FAM135A: variants seen among roughly 807,000 people sequenced by gnomAD.
FAM135A encodes the protein family with sequence similarity 135 member A.
In FAM135A, 79 loss-of-function variants were observed where a neutral mutation model predicts 146.8. The observed-to-expected ratio is 0.54, with a 90% CI of 0.45 to 0.65. The LOEUF is 0.65. FAM135A is among the 30% of genes least tolerant of loss of function. The pLI, the probability that FAM135A is intolerant of heterozygous loss-of-function variation, is 0.00. For synonymous variants in FAM135A, 562 were observed against 603.6 expected, an observed-to-expected ratio of 0.93 and a Z score of 1.01; for missense variants, 1,623 against 1,758.2, an observed-to-expected ratio of 0.92 and a Z score of 1.38.
chr6:70,519,041 C>CT (rs1159937076), intron 12 of FAM135A, among the ~76,000 whole-genome samples: 9 of 152,128 alleles, frequency 5.9e-5, no homozygotes, highest in Non-Finnish European at 1.2e-4. Flanking sequence ...AAAAGGAAAA[C>CT]TTTTGGGAAA....
At chr6:70,516,174 T>C (rs1263396602) in intron 12 of FAM135A, among the ~76,000 whole-genome samples, 1 of 152,200 alleles carries the variant, frequency 6.6e-6, no homozygotes, top group Non-Finnish European at 1.5e-5. Context: ...AATAGAAGTT[T>C]TCAGCCCCGG....
chr6:70,533,953 G>A (rs1796305816), intron 18 of FAM135A, 99 bp downstream of exon 18: 3 of 502,910 alleles, frequency 6.0e-6, no homozygotes, highest in Non-Finnish European at 9.7e-6. Context: ...CTGAAATATA[G>A]GAGACTACAA....
chr6:70,469,135 C>A (rs986536093), intron 5 of FAM135A, among the ~76,000 whole-genome samples: 2 of 152,148 alleles, frequency 1.3e-5, no homozygotes, highest in East Asian at 3.8e-4. Flanking sequence ...CTCTATCACA[C>A]CACTCCGTTA....
intron 5 of FAM135A, among the ~76,000 whole-genome samples, chr6:70,461,922 GA>G (rs1160419061): frequency 1.3e-5 from 2 of 152,094 alleles, no homozygotes; most frequent in Non-Finnish European, 2.9e-5. Flanking sequence ...AATTAAGTTA[GA>G]AAATTGTGTA....
intron 16 of FAM135A, among the ~76,000 whole-genome samples, chr6:70,532,120 C>T (rs1275311612): frequency 6.6e-6 from 1 of 151,946 alleles, no homozygotes; most frequent in Non-Finnish European, 1.5e-5. Flanking sequence ...TCGTGATCCA[C>T]CCGCCACAGC....
At chr6:70,521,747 A>G (rs1793628519) in intron 12 of FAM135A, among the ~76,000 whole-genome samples, 1 of 152,204 alleles carries the variant, frequency 6.6e-6, no homozygotes. Context: ...CCAGTAGCTG[A>G]CAAAGCCTTT....
chr6:70,472,291 C>T (rs917902363), intron 5 of FAM135A, among the ~76,000 whole-genome samples: 1 of 152,182 alleles, frequency 6.6e-6, no homozygotes, highest in Non-Finnish European at 1.5e-5. Context: ...AGGAGAATTT[C>T]TTTCCCTTCT....
intron 4 of FAM135A, among the ~76,000 whole-genome samples, chr6:70,446,165 A>G (rs1160742182): frequency 6.6e-6 from 1 of 152,222 alleles, no homozygotes; most frequent in Admixed American, 6.5e-5. Context: ...ATATCCAAAG[A>G]CAAGTTTGTG....
In FAM135A at chr6:70,428,384, A is replaced by G; in HGVS notation, c.42A>G (p.Leu14=). The G allele has an allele frequency of 6.2e-7, 1 of 1,604,508 alleles. No homozygotes were observed. The highest frequency in any genetic ancestry group is 1.1e-5 in the South Asian group (1 of 88,824). The change falls in exon 4 of 22, where the codon CTA becomes CTG. Residue 14 remains leucine (L), a synonymous_variant. Coordinates refer to ENST00000418814, the MANE Select transcript of FAM135A (RefSeq NM_001162529.3). Reference sequence around the variant, plus strand: ...CAATGGTAGAATTCTCTGTGGAGCTAAACAAGTTCTACAATGTGGATTTGT... The same window carrying G: ...CAATGGTAGAATTCTCTGTGGAGCTGAACAAGTTCTACAATGTGGATTTGT... The part of the protein sequence containing the change: ...VQAMVEFSVE[L]NKFYNVDLFQ...
intron 5 of FAM135A, among the ~76,000 whole-genome samples, chr6:70,467,229 A>C (rs1014616859): frequency 1.3e-5 from 2 of 152,144 alleles, no homozygotes; most frequent in Non-Finnish European, 2.9e-5. Context: ...TGGAATCTTG[A>C]AAATATTACT....
At chr6:70,450,150 G>A (rs552358356) in intron 4 of FAM135A, among the ~76,000 whole-genome samples, 2 of 152,078 alleles carry the variant, frequency 1.3e-5, no homozygotes, top group African/African-American at 2.4e-5. Context: ...TGTGTATTTT[G>A]GATATTAGTT....
intron 12 of FAM135A, 44 bp from the exon 13 acceptor site, chr6:70,522,469 T>C (rs750091840): frequency 2.6e-6 from 4 of 1,565,554 alleles, no homozygotes; most frequent in Non-Finnish European, 3.5e-6. Flanking sequence ...GATTGACTTT[T>C]TAAATACGTC....
At chr6:70,528,479 A>G in intron 16 of FAM135A, 27 bp downstream of exon 16, 2 of 1,469,104 alleles carry the variant, frequency 1.4e-6, no homozygotes, top group South Asian at 1.6e-5. Context: ...GATGTAACCC[A>G]GAGCAACTCA....
chr6:70,504,033 C>T (rs747624639), intron 12 of FAM135A: 12 of 152,160 alleles, frequency 7.9e-5, no homozygotes, highest in Non-Finnish European at 1.5e-4. Flanking sequence ...ATAGGTTATG[C>T]ATAACTTCAA....
intron 4 of FAM135A, among the ~76,000 whole-genome samples, chr6:70,430,932 G>T (rs1029512670): frequency 6.6e-6 from 1 of 152,002 alleles, no homozygotes; most frequent in African/African-American, 2.4e-5. Context: ...GGCGTTTTTG[G>T]TATTCTGCTT....
At chr6:70,541,693 G>T (rs1241929353) in intron 20 of FAM135A, among the ~76,000 whole-genome samples, 2 of 152,052 alleles carry the variant, frequency 1.3e-5, no homozygotes, top group African/African-American at 4.8e-5. Context: ...TCTGTGCTGT[G>T]CTCTAGACTT....
chr6:70,474,382 A>T (rs1362493384), intron 5 of FAM135A, among the ~76,000 whole-genome samples: 1 of 152,064 alleles, frequency 6.6e-6, no homozygotes, highest in Non-Finnish European at 1.5e-5. Context: ...AGAGATAAAA[A>T]CCAAACTTCA....
chr6:70,454,417 T>A (rs1777831953), intron 5 of FAM135A, among the ~76,000 whole-genome samples: 1 of 152,248 alleles, frequency 6.6e-6, no homozygotes, highest in Admixed American at 6.5e-5. Flanking sequence ...TTTAGTTAGA[T>A]CCCATTTGTC....
At chr6:70,414,515 T>TCC (rs113390358) in intron 1 of FAM135A, among the ~76,000 whole-genome samples, 4 of 130,788 alleles carry the variant, frequency 3.1e-5, no homozygotes, top group South Asian at 2.8e-4. Flanking sequence ...TCTTCCACCC[T>TCC]CCCCCCCCCA....
Sources: allele counts gnomAD v4.1 joint callset (sites outside exome capture counted in the v4.1 genomes callset), GRCh38; gene constraint gnomAD v4.1.1; transcripts MANE v1.5; gene names NCBI Gene and HGNC (gene_info 2026-07-23, HGNC 2026-07-21).